AGAP1: variants seen among roughly 807,000 people sequenced by gnomAD.
AGAP1 encodes ArfGAP with GTPase domain, ankyrin repeat and PH domain 1.
Under a neutral mutation model 105.3 loss-of-function variants are expected in AGAP1, and 29 were observed. The observed-to-expected ratio is 0.28, with a 90% CI of 0.21 to 0.38. AGAP1 has a LOEUF of 0.38. Ranked by LOEUF, AGAP1 falls within the 10% of genes least tolerant of loss-of-function variation. The pLI is 1.00. For missense variants in AGAP1, 998 were observed against 1,165.1 expected (o/e 0.86, Z 2.09); for synonymous variants, 509 against 485.9 (o/e 1.05, Z -0.63).
At position 235,615,825 on chromosome 2, in the gene AGAP1, C is replaced by A. The variant is rs956357909; in HGVS notation, c.164-93354C>A. 2.2e-4 allele frequency among the ~76,000 whole-genome samples: 34 copies of A among 152,126 alleles called. No homozygotes were observed. The highest frequency in any genetic ancestry group is 7.5e-4 in the African/African-American group (31 of 41,436). On this transcript the variant is annotated intron_variant, in intron 1 of 17. Transcript: ENST00000304032. The surrounding 1 kb of genome is among the most constrained non-coding windows in gnomAD (Gnocchi z 5.0). Reference sequence around the variant, plus strand: ...AAATGAAAGGGGATTACTTTGACAGCATCTGAACAACAGAACACCTTCTGA... The same window carrying A: ...AAATGAAAGGGGATTACTTTGACAGAATCTGAACAACAGAACACCTTCTGA...
At chr2:235,558,441 CAT>C (rs997204210) in intron 1 of AGAP1, among the ~76,000 whole-genome samples, 1 of 152,018 alleles carries the variant, frequency 6.6e-6, no homozygotes, top group Non-Finnish European at 1.5e-5. Flanking sequence ...CCAGGAAAAC[CAT>C]GTTTTGAAAT....
chr2:235,686,620 G>GATAGAT (rs1949416375), intron 1 of AGAP1, among the ~76,000 whole-genome samples: 1 of 57,244 alleles, frequency 1.7e-5, no homozygotes, highest in Non-Finnish European at 3.2e-5. Flanking sequence ...TGGAGATATA[G>GATAGAT]ATATATATAT....
At position 236,027,437 on chromosome 2, in the gene AGAP1, A is replaced by G. The variant is rs2057089859; in HGVS notation, c.1646-9124A>G. Among the ~76,000 whole-genome samples, 1 of 152,144 alleles carries G rather than the reference A, an allele frequency of 6.6e-6. No homozygotes were observed. The highest frequency in any genetic ancestry group is 1.5e-5 in the Non-Finnish European group (1 of 68,034). ...CGTAAATTTCAGGGCCTGAAAATCC[A>G]AAAGAAGACACAGGGTAGTCCTCCC... is the stretch of plus-strand genomic sequence containing the variant. On this transcript the variant is annotated intron_variant, in intron 13 of 17. Coordinates refer to ENST00000304032, the MANE Select transcript of AGAP1 (RefSeq NM_001037131.3). The surrounding 1 kb of genome is among the most constrained non-coding windows in gnomAD (Gnocchi z 4.4).
rs1052543371 is a variant in AGAP1 at position 235,718,443 on chromosome 2, G to A, written c.310+799G>A. 6 of 967,172 alleles carry A rather than the reference G, an allele frequency of 6.2e-6. No individual in the cohort carries two copies. In the African/African-American group the frequency reaches 7.0e-5, roughly 11 times the overall value. 59.9% of individuals were successfully genotyped at this position (967,172 alleles called of 1,614,324 possible). On this transcript the variant is annotated intron_variant, in intron 3 of 17. Transcript: ENST00000304032. ...GCGCTTGTCTTGTTTTGGAGAGAGA[G>A]GAAAGGCACCACTTTGTACTGTAGC...
intron 1 of AGAP1, among the ~76,000 whole-genome samples, chr2:235,499,380 G>T (rs930278257): frequency 3.3e-5 from 5 of 152,226 alleles, no homozygotes; most frequent in African/African-American, 1.2e-4. Flanking sequence ...GTTGATGCAG[G>T]TGTGCATGTT....
chr2:235,802,238 C>T (rs187141630), intron 8 of AGAP1, among the ~76,000 whole-genome samples: 1 of 152,280 alleles, frequency 6.6e-6, no homozygotes, highest in Admixed American at 6.5e-5. Context: ...TGCGGATTCA[C>T]CCTGCAGACA....
chr2:235,570,284 C>T (rs1203930130), intron 1 of AGAP1, among the ~76,000 whole-genome samples: 1 of 152,184 alleles, frequency 6.6e-6, no homozygotes, highest in Non-Finnish European at 1.5e-5. Flanking sequence ...CAAGCCCCTG[C>T]CTCCATTAGG....
chr2:235,909,134 A>G lies in AGAP1; in HGVS notation c.1324+228A>G, dbSNP rs147600215. 3.9e-5 allele frequency among the ~76,000 whole-genome samples: 6 copies of G among 152,342 alleles called. No individual in the cohort carries two copies. In the East Asian group the frequency reaches 1.2e-3, roughly 29 times the overall value. On this transcript the variant is annotated intron_variant, in intron 11 of 17. Coordinates refer to ENST00000304032, the MANE Select transcript of AGAP1 (RefSeq NM_001037131.3). ...TGAGTCACAGCTGCAAAAACCATGCATCTAGGCCTTTCCAGGGCTGCATAG... is the reference window on the plus strand; with the variant it reads ...TGAGTCACAGCTGCAAAAACCATGCGTCTAGGCCTTTCCAGGGCTGCATAG...
chr2:235,891,755 G>A lies in AGAP1; in HGVS notation c.1155+8306G>A, dbSNP rs369326882. On this transcript the variant is annotated intron_variant, in intron 10 of 17. Coordinates refer to ENST00000304032, the MANE Select transcript of AGAP1 (RefSeq NM_001037131.3). This position sits in a 1 kb window ranked among gnomAD's most constrained non-coding sequence, Gnocchi z 4.2. ...GTCTAGGAAAGCTCACCAGTGTTCCGGTCCTGGCTCTCTGGGCTTCCTCAG... is the reference window on the plus strand; with the variant it reads ...GTCTAGGAAAGCTCACCAGTGTTCCAGTCCTGGCTCTCTGGGCTTCCTCAG... Among the ~76,000 whole-genome samples, 5 of 152,142 alleles carry A rather than the reference G, an allele frequency of 3.3e-5. No individual in the cohort carries two copies. The highest frequency in any genetic ancestry group is 2.1e-4 in the South Asian group (1 of 4,818).
At position 235,577,043 on chromosome 2, in the gene AGAP1, A is replaced by G. The variant is rs1400224410; in HGVS notation, c.163+82194A>G. 2.0e-5 allele frequency among the ~76,000 whole-genome samples: 3 copies of G among 152,190 alleles called. No individual in the cohort carries two copies. Among genetic ancestry groups the G allele is most frequent in the Admixed American group, 6.5e-5 (1 of 15,284 alleles). On this transcript the variant is annotated intron_variant, in intron 1 of 17. Transcript: ENST00000304032. The surrounding 1 kb of genome is among the most constrained non-coding windows in gnomAD (Gnocchi z 4.5). ...ACTCTACCTCTGCATCTTCACCAAG[A>G]AAAGCATTTCTGTTGTCCTGAAATA...
intron 1 of AGAP1, among the ~76,000 whole-genome samples, chr2:235,666,984 C>CT (rs1948147708): frequency 6.6e-6 from 1 of 152,148 alleles, no homozygotes; most frequent in African/African-American, 2.4e-5. Flanking sequence ...GCAGAGATCT[C>CT]TATCTTTCCA....
chr2:235,968,326 T>C, intron 12 of AGAP1, 136 bp from the exon 13 acceptor site: 1 of 1,197,010 alleles, frequency 8.4e-7, no homozygotes, highest in Non-Finnish European at 1.1e-6. Flanking sequence ...AACTCAGCAA[T>C]ACAGTAATGG....
At chr2:235,558,544 G>T (rs188380288) in intron 1 of AGAP1, among the ~76,000 whole-genome samples, 1 of 151,960 alleles carries the variant, frequency 6.6e-6, no homozygotes, top group Non-Finnish European at 1.5e-5. Context: ...CTTTAACCCC[G>T]CTACCCTCCA....
intron 1 of AGAP1, among the ~76,000 whole-genome samples, chr2:235,584,512 T>C (rs923437855): frequency 1.3e-5 from 2 of 149,122 alleles, no homozygotes; most frequent in African/African-American, 5.0e-5. Context: ...GGTGTTCATC[T>C]GAGAAGAGGG....
chr2:235,799,118 A>G lies in AGAP1; in HGVS notation c.802-249A>G, dbSNP rs1444311446. Among the ~76,000 whole-genome samples the G allele has an allele frequency of 1.3e-5, 2 of 152,166 alleles. No individual in the cohort carries two copies. Among genetic ancestry groups the G allele is most frequent in the Non-Finnish European group, 2.9e-5 (2 of 68,018 alleles). On this transcript the variant is annotated intron_variant, in intron 7 of 17. Coordinates refer to ENST00000304032, the MANE Select transcript of AGAP1 (RefSeq NM_001037131.3). This position sits in a 1 kb window ranked among gnomAD's most constrained non-coding sequence, Gnocchi z 5.0. ...CTCAGAAATCTTTTAAGTTAAATGA[A>G]AGAGACTTCTTTGTCTTCAGTCACT...
intron 6 of AGAP1, among the ~76,000 whole-genome samples, chr2:235,767,931 C>T (rs1955108398): frequency 6.6e-6 from 1 of 151,870 alleles, no homozygotes; most frequent in Non-Finnish European, 1.5e-5. Flanking sequence ...ACTACAGGCA[C>T]CCACGCCATC....
rs150127052 is a variant in AGAP1, at chr2:235,620,991, A to T, written c.164-88188A>T. ...ATCTGCGTGTTGGCTCTGCTGCTGA[A>T]GTGGCTGGATGGCCTTGGAGATCTA... On this transcript the variant is annotated intron_variant, in intron 1 of 17. Transcript: ENST00000304032. The surrounding 1 kb of genome is among the most constrained non-coding windows in gnomAD (Gnocchi z 4.5). Among the ~76,000 whole-genome samples, 72 of 152,282 alleles carry T rather than the reference A, an allele frequency of 4.7e-4. No homozygotes were observed. Among genetic ancestry groups the T allele is most frequent in the African/African-American group, 1.4e-3 (57 of 41,566 alleles).
intron 9 of AGAP1, among the ~76,000 whole-genome samples, chr2:235,841,203 G>T (rs557420559): frequency 6.6e-6 from 1 of 152,240 alleles, no homozygotes; most frequent in African/African-American, 2.4e-5. Flanking sequence ...TGATGCTAAA[G>T]GGAGGAACAG....
chr2:235,756,881 C>A (rs547343057), intron 6 of AGAP1, among the ~76,000 whole-genome samples: 2 of 151,008 alleles, frequency 1.3e-5, no homozygotes, highest in African/African-American at 4.9e-5. Context: ...TGCCCCCCAA[C>A]CCCTGATCCT....
Sources: gnomAD v4.1 joint callset for allele counts (sites outside exome capture counted in the v4.1 genomes callset) on GRCh38, gnomAD v4.1.1 for gene constraint, Gnocchi (gnomAD v3.1) non-coding constraint, MANE v1.5 for transcripts, NCBI Gene and HGNC (gene_info 2026-07-23, HGNC 2026-07-21) for gene names.